The following CNTN4 variants were observed in gnomAD, a reference collection of about 807,000 sequenced individuals.
The protein encoded by CNTN4 is contactin 4, also known as contactin-4.
Under a neutral mutation model 122.5 loss-of-function variants are expected in CNTN4, and 77 were observed. The observed-to-expected ratio is 0.63, with a 90% CI of 0.52 to 0.76. The LOEUF is 0.76. CNTN4 is among the 30% of genes least tolerant of loss of function. CNTN4 has a pLI of 0.00. For synonymous variants in CNTN4, 512 were observed against 447.0 expected (o/e 1.15, Z -1.83); for missense variants, 1,256 against 1,259.1 (o/e 1.00, Z 0.04).
chr3:2,183,919 T>C (rs2037134125), intron 2 of CNTN4, among the ~76,000 whole-genome samples: 2 of 152,166 alleles, frequency 1.3e-5, no homozygotes, highest in Non-Finnish European at 2.9e-5. Flanking sequence ...TAACAGAGAA[T>C]ATCCTCTCCA....
chr3:2,897,118 A>G (rs2094123859), intron 10 of CNTN4, among the ~76,000 whole-genome samples: 1 of 152,170 alleles, frequency 6.6e-6, no homozygotes, highest in Non-Finnish European at 1.5e-5. Context: ...ATAAATTATT[A>G]TTGGATAAGA....
At chr3:2,513,545 C>T (rs571574458) in intron 3 of CNTN4, among the ~76,000 whole-genome samples, 2 of 151,694 alleles carry the variant, frequency 1.3e-5, no homozygotes, top group South Asian at 4.2e-4. Context: ...TTAGCAGAAA[C>T]GATTGCCTTC....
At chr3:3,036,823 T>G (rs1338876535) in intron 17 of CNTN4, among the ~76,000 whole-genome samples, 1 of 152,098 alleles carries the variant, frequency 6.6e-6, no homozygotes, top group Non-Finnish European at 1.5e-5. Flanking sequence ...ATAATACTTT[T>G]ACCTTTCTCA....
intron 6 of CNTN4, among the ~76,000 whole-genome samples, chr3:2,749,359 G>C (rs2089976128): frequency 6.9e-6 from 1 of 145,702 alleles, no homozygotes; most frequent in African/African-American, 2.6e-5. Flanking sequence ...TTTTAGTAGA[G>C]ATGGGGTTTC....
At chr3:2,807,500 T>A (rs552276109) in intron 6 of CNTN4, among the ~76,000 whole-genome samples, 61 of 152,142 alleles carry the variant, frequency 4.0e-4, no homozygotes, top group African/African-American at 1.4e-3. Flanking sequence ...CCCTTAAAAA[T>A]TTTTAACTGG....
intron 2 of CNTN4, among the ~76,000 whole-genome samples, chr3:2,101,686 C>A (rs1476371838): frequency 6.6e-6 from 1 of 152,022 alleles, no homozygotes; most frequent in Non-Finnish European, 1.5e-5. Context: ...CAGAAGAAAT[C>A]TGACAACATA....
intron 2 of CNTN4, among the ~76,000 whole-genome samples, chr3:2,101,096 C>T (rs2031911276): frequency 6.6e-6 from 1 of 152,198 alleles, no homozygotes; most frequent in Non-Finnish European, 1.5e-5. Flanking sequence ...TTTCCATGGT[C>T]ATTTCATATT....
intron 2 of CNTN4, among the ~76,000 whole-genome samples, chr3:2,128,883 A>G (rs1405946645): frequency 6.6e-6 from 1 of 152,210 alleles, no homozygotes; most frequent in Non-Finnish European, 1.5e-5. Context: ...CTATCAATGG[A>G]AACTTTAACA....
chr3:3,008,775 T>A (rs1574805194), intron 14 of CNTN4, among the ~76,000 whole-genome samples: 1 of 152,088 alleles, frequency 6.6e-6, no homozygotes, highest in Non-Finnish European at 1.5e-5. Flanking sequence ...AGTGTTGCAG[T>A]TTTTACCATT....
In CNTN4 at chr3:2,400,036, A is replaced by G. The variant is rs547869843; in HGVS notation, c.-89+60803A>G. 1.1e-4 allele frequency among the ~76,000 whole-genome samples: 16 copies of G among 152,120 alleles called. 1 individual carries two copies. Among genetic ancestry groups the G allele is most frequent in the South Asian group, 8.3e-4 (4 of 4,816 alleles). On this transcript the variant is annotated intron_variant, in intron 3 of 24. Transcript: ENST00000418658. ...ATTGAATGTGGACAGACAAACCAAG[A>G]CTAATTACGGGCTTGGGTTTTCCCA...
chr3:2,708,299 T>C (rs1353246838), intron 4 of CNTN4, among the ~76,000 whole-genome samples: 1 of 152,150 alleles, frequency 6.6e-6, no homozygotes, highest in East Asian at 1.9e-4. Flanking sequence ...TACAATGGCA[T>C]TTTAAAAAGA....
intron 2 of CNTN4, among the ~76,000 whole-genome samples, chr3:2,143,907 T>C (rs2035123738): frequency 6.6e-6 from 1 of 152,206 alleles, no homozygotes; most frequent in Non-Finnish European, 1.5e-5. Context: ...TGAAATTGAT[T>C]TACCATAATA....
intron 2 of CNTN4, among the ~76,000 whole-genome samples, chr3:2,115,129 C>G (rs1239832232): frequency 1.3e-5 from 2 of 152,186 alleles, no homozygotes; most frequent in East Asian, 1.9e-4. Context: ...TCTCCTTGCT[C>G]CAGTACATCA....
At chr3:2,106,646 C>T (rs2032470407) in intron 2 of CNTN4, among the ~76,000 whole-genome samples, 1 of 152,184 alleles carries the variant, frequency 6.6e-6, no homozygotes, top group South Asian at 2.1e-4. Flanking sequence ...GTTTTTCCCT[C>T]CTAGACCTCT....
intron 3 of CNTN4, among the ~76,000 whole-genome samples, chr3:2,483,699 CT>C (rs2076069477): frequency 2.0e-5 from 3 of 152,160 alleles, no homozygotes; most frequent in Non-Finnish European, 4.4e-5. Flanking sequence ...GGCATTTCCC[CT>C]GCTGGCATGC....
rs528512765 is a variant in CNTN4, at chr3:2,500,129, A to C, written c.-88-71287A>C. On this transcript the variant is annotated intron_variant, in intron 3 of 24. Transcript: ENST00000418658. ...GCAATATTGCTGAACTCAACCTTTA[A>C]ATTTTTAAGGTTTATGAATATTGGA... Among the ~76,000 whole-genome samples, 20 of 152,158 alleles carry C rather than the reference A, an allele frequency of 1.3e-4. No individual in the cohort carries two copies. The South Asian group carries it at 4.1e-3, about 32-fold the overall frequency.
At chr3:2,446,710 A>G (rs1269222759) in intron 3 of CNTN4, among the ~76,000 whole-genome samples, 1 of 152,208 alleles carries the variant, frequency 6.6e-6, no homozygotes, top group Non-Finnish European at 1.5e-5. Flanking sequence ...GATGAGTTGC[A>G]TCAGCATATG....
intron 4 of CNTN4, among the ~76,000 whole-genome samples, chr3:2,598,524 G>A (rs889860009): frequency 3.9e-5 from 6 of 152,154 alleles, no homozygotes; most frequent in African/African-American, 1.4e-4. Context: ...GTGAGTGAGT[G>A]TGTATTTTTG....
chr3:2,102,533 TC>T (rs1375908766), intron 2 of CNTN4, among the ~76,000 whole-genome samples: 1 of 152,078 alleles, frequency 6.6e-6, no homozygotes, highest in Non-Finnish European at 1.5e-5. Context: ...TTGTGTGAAG[TC>T]CCAGAATGGG....
Sources: gnomAD v4.1 joint callset for allele counts (sites outside exome capture counted in the v4.1 genomes callset) on GRCh38, gnomAD v4.1.1 for gene constraint, MANE v1.5 for transcripts, NCBI Gene and HGNC (gene_info 2026-07-23, HGNC 2026-07-21) for gene names.